The following ACSM3 variants were observed in gnomAD, a reference collection of about 807,000 sequenced individuals.
The protein encoded by ACSM3 is acyl-CoA synthetase medium chain family member 3.
A neutral mutation model predicts 74.1 loss-of-function variants in ACSM3; 61 were observed. The observed-to-expected ratio is 0.82, with a 90% CI of 0.67 to 1.02. ACSM3 has a LOEUF of 1.02. ACSM3 is among the 50% of genes least tolerant of loss of function. The pLI is 0.00. For synonymous variants in ACSM3, 213 were observed against 241.5 expected, an observed-to-expected ratio of 0.88 and a Z score of 1.09; for missense variants, 660 against 697.0, an observed-to-expected ratio of 0.95 and a Z score of 0.60.
chr16:20,728,287 C>T (rs982008), intron 1 of ACSM3: 8,289 of 508,908 alleles, frequency 0.016, 619 homozygotes, highest in African/African-American at 0.15. Flanking sequence ...GCAGAAAGAA[C>T]GTTTTACAGT....
chr16:20,693,681 T>G (rs941616840), intron 1 of ACSM3, among the ~76,000 whole-genome samples: 1 of 152,198 alleles, frequency 6.6e-6, no homozygotes, highest in Non-Finnish European at 1.5e-5. Flanking sequence ...TGTTCTCCAG[T>G]TTGATGCAGT....
At chr16:20,764,933 G>C (rs962449857) in intron 1 of ACSM3, among the ~76,000 whole-genome samples, 1 of 152,176 alleles carries the variant, frequency 6.6e-6, no homozygotes, top group South Asian at 2.1e-4. Flanking sequence ...TTCTGTATAG[G>C]AGGGGCTTCA....
rs377615915 is a variant in ACSM3, at chr16:20,738,918, A to G, written c.-189-10992A>G. On this transcript the variant is annotated intron_variant, in intron 1 of 3. Coordinates refer to the ACSM3 transcript ENST00000561584. ...ACACCTATCCCAAGTGTCCTGATGA[A>G]GACAACGTTATTTGCTCCACTTTCC... 8.2e-5 allele frequency: 133 copies of G among 1,614,102 alleles called. No individual in the cohort carries two copies. Among genetic ancestry groups the G allele is most frequent in the Non-Finnish European group, 1.1e-4 (124 of 1,180,040 alleles).
At chr16:20,750,848 T>TTTTTTTG (rs1198676650) in intron 2 of ACSM3, among the ~76,000 whole-genome samples, 2 of 144,446 alleles carry the variant, frequency 1.4e-5, no homozygotes, top group South Asian at 2.3e-4. Context: ...AGTCAGGTTT[T>TTTTTTTG]TTTTTTTTTT....
rs770668895 is a variant in ACSM3, at chr16:20,796,441, T to A, written c.1626T>A (p.Ile542=). Residue 542 remains isoleucine, a synonymous_variant, in exon 13 of 14, where the codon ATT becomes ATA. Transcript: ENST00000289416. ...SHDQEQLIKE[I]QEHVKKTTAP... Reference sequence around the variant, plus strand: ...ATCAAGAACAACTAATAAAGGAGATTCAGGAGCATGTTAAAAAAACTACAG... The same window carrying A: ...ATCAAGAACAACTAATAAAGGAGATACAGGAGCATGTTAAAAAAACTACAG... 1.2e-6 allele frequency: 2 copies of A among 1,613,912 alleles called. No individual in the cohort carries two copies. Among genetic ancestry groups the A allele is most frequent in the South Asian group, 1.1e-5 (1 of 91,054 alleles).
chr16:20,696,793 G>A (rs1333249355), intron 1 of ACSM3, among the ~76,000 whole-genome samples: 1 of 152,118 alleles, frequency 6.6e-6, no homozygotes, highest in Non-Finnish European at 1.5e-5. Flanking sequence ...ACAGGACTTG[G>A]GACTGATAAA....
At chr16:20,675,062 G>A (rs2152281939) in intron 1 of ACSM3, among the ~76,000 whole-genome samples, 1 of 152,294 alleles carries the variant, frequency 6.6e-6, no homozygotes. Flanking sequence ...AATGGTAAGA[G>A]TGGCTTGCCA....
chr16:20,755,734 A>G (rs2080024431), intron 3 of ACSM3: 3 of 146,486 alleles, frequency 2.0e-5, no homozygotes, highest in Admixed American at 6.9e-5. Flanking sequence ...TGTTGCACCC[A>G]TTAACTCATC....
At position 20,742,786 on chromosome 16, in the gene ACSM3, C is replaced by T. The variant is rs7201165; in HGVS notation, c.-189-7124C>T. 7.1e-3 allele frequency among the ~76,000 whole-genome samples: 908 copies of T among 127,808 alleles called. 14 individuals carry two copies. Among genetic ancestry groups the T allele is most frequent in the African/African-American group, 0.024 (851 of 35,388 alleles). 83.8% of individuals were successfully genotyped at this position (127,808 alleles called of 152,430 possible). On this transcript the variant is annotated intron_variant, in intron 1 of 3. Transcript: ENST00000561584. ...GTGATGAATCCAACATAGTCTGGTG[C>T]GTGTAAATATATATATATATATATA...
chr16:20,780,269 C>A, intron 4 of ACSM3: 1 of 226,298 alleles, frequency 4.4e-6, no homozygotes, highest in Non-Finnish European at 8.9e-6. Flanking sequence ...TGTGTTGGCC[C>A]ATCAGTACCC....
chr16:20,741,933 AGCCCCGCCTCCT>A (rs755331734), intron 1 of ACSM3: 13 of 1,533,296 alleles, frequency 8.5e-6, no homozygotes, highest in Middle Eastern at 3.3e-4. Flanking sequence ...TACCCGCCCA[AGCCCCGCCTCCT>A]GCCCCGCCTC....
chr16:20,715,786 T>G (rs1444869625), intron 1 of ACSM3, among the ~76,000 whole-genome samples: 1 of 152,190 alleles, frequency 6.6e-6, no homozygotes, highest in Non-Finnish European at 1.5e-5. Flanking sequence ...TACCCATCAC[T>G]GAGTAACAAA....
chr16:20,686,810 GA>G (rs57762001), intron 1 of ACSM3, among the ~76,000 whole-genome samples: 90,104 of 146,688 alleles, frequency 0.61, 28,529 homozygotes, highest in Non-Finnish European at 0.73. Flanking sequence ...TCTCAAAAAA[GA>G]AAAAAAAAAA....
intron 1 of ACSM3, among the ~76,000 whole-genome samples, chr16:20,733,381 ACT>A (rs1420360568): frequency 1.6e-4 from 25 of 152,156 alleles, no homozygotes; most frequent in Admixed American, 1.6e-3. Context: ...ATATTAAAAT[ACT>A]GTTAAAATGA....
intron 2 of ACSM3, 117 bp from the exon 3 acceptor site, chr16:20,775,722 A>G: frequency 1.0e-6 from 1 of 983,880 alleles, no homozygotes; most frequent in South Asian, 1.4e-5. Context: ...TTCTCCATCC[A>G]TGTTCTAACT....
At chr16:20,691,132 G>A in intron 1 of ACSM3, 1 of 1,613,108 alleles carries the variant, frequency 6.2e-7, no homozygotes, top group South Asian at 1.1e-5. Context: ...CAGGGTGGAT[G>A]TTGTGGAAGG....
chr16:20,722,296 G>GAA (rs1361472744), intron 1 of ACSM3: 1 of 152,112 alleles, frequency 6.6e-6, no homozygotes, highest in Non-Finnish European at 1.5e-5. Context: ...ACTTTTATTT[G>GAA]GAGTTGCAAC....
chr16:20,738,677 G>A (rs1439296320), intron 1 of ACSM3: 6 of 546,950 alleles, frequency 1.1e-5, no homozygotes, highest in Admixed American at 6.7e-5. Context: ...AGTTATATAC[G>A]AAGGAAGCAG....
rs534653489 is a variant in ACSM3 at position 20,779,522 on chromosome 16, C to G, written c.639-1192C>G. On this transcript the variant is annotated intron_variant, in intron 4 of 13. Transcript: ENST00000289416. ...CTGGTTGTTTCTACTCATTCTCAACCCCACATGCCTGGATAAGTCTGTGTG... is the reference window on the plus strand; with the variant it reads ...CTGGTTGTTTCTACTCATTCTCAACGCCACATGCCTGGATAAGTCTGTGTG... 4.6e-5 allele frequency among the ~76,000 whole-genome samples: 7 copies of G among 152,120 alleles called. No individual in the cohort carries two copies. The South Asian group carries it at 1.2e-3, about 27-fold the overall frequency.
Sources: gnomAD v4.1 joint callset for allele counts (sites outside exome capture counted in the v4.1 genomes callset) on GRCh38, gnomAD v4.1.1 for gene constraint, MANE v1.5 for transcripts, NCBI Gene and HGNC (gene_info 2026-07-23, HGNC 2026-07-21) for gene names.